Variants in JMJD1C observed in about 807,000 individuals in gnomAD.
The protein encoded by JMJD1C is jumonji domain containing 1C.
JMJD1C carries 31 observed loss-of-function variants against 245.3 expected under a neutral mutation model. That is an observed-to-expected ratio of 0.13 (90% CI 0.09 to 0.17). The LOEUF (loss-of-function observed/expected upper bound fraction) is 0.17, where lower values mean the gene tolerates loss of function less well. JMJD1C is among the 10% of genes least tolerant of loss of function. The probability of loss-of-function intolerance (pLI) is 1.00; values close to 1 mark genes in which losing one functional copy is unlikely to be tolerated. For synonymous variants in JMJD1C, 1,057 were observed against 1,017.4 expected (o/e 1.04, Z -0.74); for missense variants, 2,691 against 3,000.2 (o/e 0.90, Z 2.41).
At position 63,450,952 on chromosome 10, in the gene JMJD1C, G is replaced by A. The variant is rs184621370; in HGVS notation, c.168+14543C>T. On this transcript the variant is annotated intron_variant, in intron 1 of 25. Coordinates refer to ENST00000399262, the MANE Select transcript of JMJD1C (RefSeq NM_032776.3). Reference sequence around the variant, plus strand: ...AAAAAAAAAACTCTTAGAGCTAACAGATTCGGCAATGTTGCAGTATACAAA... The same window carrying A: ...AAAAAAAAAACTCTTAGAGCTAACAAATTCGGCAATGTTGCAGTATACAAA... 1.1e-3 allele frequency among the ~76,000 whole-genome samples: 159 copies of A among 146,724 alleles called. 3 individuals are homozygous for A. In the East Asian group the frequency reaches 0.026, roughly 24 times the overall value.
intron 2 of JMJD1C, among the ~76,000 whole-genome samples, chr10:63,338,186 G>A (rs571629564): frequency 1.3e-5 from 2 of 152,320 alleles, no homozygotes; most frequent in African/African-American, 2.4e-5. Context: ...TCAGGCTGGA[G>A]TGCACTGGTG....
At chr10:63,216,811 T>C (rs1010962602) in intron 5 of JMJD1C, among the ~76,000 whole-genome samples, 3 of 152,216 alleles carry the variant, frequency 2.0e-5, no homozygotes, top group African/African-American at 4.8e-5. Context: ...TGACATTTGA[T>C]GTGAGAAGAA....
At chr10:63,454,076 GTTTTAAT>G (rs1394868626) in intron 1 of JMJD1C, among the ~76,000 whole-genome samples, 1 of 152,006 alleles carries the variant, frequency 6.6e-6, no homozygotes, top group Non-Finnish European at 1.5e-5. Flanking sequence ...AAAATTACAT[GTTTTAAT>G]TTTTAACTTT....
At chr10:63,484,706 T>C (rs1564963748) in intron 1 of JMJD1C, among the ~76,000 whole-genome samples, 1 of 152,072 alleles carries the variant, frequency 6.6e-6, no homozygotes, top group South Asian at 2.1e-4. Context: ...ATTGGCACTA[T>C]CCATGCCAAT....
chr10:63,287,236 T>C (rs531916044), intron 2 of JMJD1C, among the ~76,000 whole-genome samples: 15 of 152,372 alleles, frequency 9.8e-5, no homozygotes, highest in Admixed American at 6.5e-4. Flanking sequence ...TCAACAAATA[T>C]TCATTGGAAC....
At chr10:63,235,769 T>C (rs902482501) in intron 3 of JMJD1C, among the ~76,000 whole-genome samples, 1 of 152,204 alleles carries the variant, frequency 6.6e-6, no homozygotes, top group Non-Finnish European at 1.5e-5. Flanking sequence ...GTCTGTCTAA[T>C]GTCAAAGCAC....
intron 2 of JMJD1C, among the ~76,000 whole-genome samples, chr10:63,265,122 C>CA (rs527753693): frequency 1.4e-5 from 2 of 148,122 alleles, no homozygotes; most frequent in East Asian, 3.9e-4. Context: ...TTACCCCCAC[C>CA]TTTTTTTTTT....
chr10:63,367,396 G>A (rs995712720), intron 2 of JMJD1C, among the ~76,000 whole-genome samples: 2 of 151,964 alleles, frequency 1.3e-5, no homozygotes, highest in Non-Finnish European at 2.9e-5. Context: ...ACAGGCATGC[G>A]CCACCATGCC....
intron 1 of JMJD1C, chr10:63,427,382 C>T (rs1950504395): frequency 1.9e-6 from 2 of 1,076,258 alleles, no homozygotes; most frequent in Admixed American, 3.7e-5. Flanking sequence ...TACCCAAATC[C>T]CTATAGCAAA....
At chr10:63,465,461 C>T (rs1270160426) in intron 1 of JMJD1C, 34 bp downstream of exon 1, 2 of 1,554,772 alleles carry the variant, frequency 1.3e-6, no homozygotes, top group South Asian at 1.2e-5. Flanking sequence ...GGTGCGGGCG[C>T]GGCAGGGGAA....
chr10:63,192,831 T>C, intron 16 of JMJD1C, 107 bp downstream of exon 16: 2 of 843,738 alleles, frequency 2.4e-6, no homozygotes, highest in Non-Finnish European at 3.8e-6. Flanking sequence ...AAGACCAAAG[T>C]AAATTGTTTA....
intron 22 of JMJD1C, among the ~76,000 whole-genome samples, chr10:63,182,938 C>A (rs1843667313): frequency 6.6e-6 from 1 of 151,994 alleles, no homozygotes; most frequent in Non-Finnish European, 1.5e-5. Context: ...CTTGGCTCAC[C>A]GCAACCTCCG....
At chr10:63,356,715 A>G (rs1944875449) in intron 2 of JMJD1C, among the ~76,000 whole-genome samples, 1 of 152,200 alleles carries the variant, frequency 6.6e-6, no homozygotes, top group African/African-American at 2.4e-5. Context: ...AGAAAGAAGG[A>G]AGCAAAGTGA....
At chr10:63,290,306 C>T (rs576128010) in intron 2 of JMJD1C, among the ~76,000 whole-genome samples, 3 of 152,280 alleles carry the variant, frequency 2.0e-5, no homozygotes, top group African/African-American at 4.8e-5. Context: ...CGGTGGCTCA[C>T]ACCTATAATT....
chr10:63,365,473 A>T (rs1945752750), intron 2 of JMJD1C, among the ~76,000 whole-genome samples: 1 of 152,194 alleles, frequency 6.6e-6, no homozygotes, highest in Non-Finnish European at 1.5e-5. Context: ...TATTCTCAGT[A>T]AGATTCAGTA....
chr10:63,216,051 G>A (rs778877544), intron 5 of JMJD1C, among the ~76,000 whole-genome samples: 5 of 152,114 alleles, frequency 3.3e-5, no homozygotes, highest in Admixed American at 6.5e-5. Flanking sequence ...AAACTCAGAG[G>A]TAGACTTTAG....
At chr10:63,181,177 T>C (rs368921594) in intron 22 of JMJD1C, among the ~76,000 whole-genome samples, 17 of 152,296 alleles carry the variant, frequency 1.1e-4, no homozygotes, top group African/African-American at 3.4e-4. Flanking sequence ...ATCTTTCTTA[T>C]AGAGAGTTTG....
chr10:63,425,859 CG>C (rs1950409274), intron 1 of JMJD1C, among the ~76,000 whole-genome samples: 1 of 152,112 alleles, frequency 6.6e-6, no homozygotes, highest in South Asian at 2.1e-4. Context: ...TTCCCCTCAA[CG>C]GAAATATATT....
chr10:63,519,713 G>C (rs1404907791), intron 1 of JMJD1C, among the ~76,000 whole-genome samples: 5 of 152,196 alleles, frequency 3.3e-5, no homozygotes, highest in African/African-American at 1.2e-4. Flanking sequence ...TACAGAATGG[G>C]GAGCAAAGTG....
Sources: gnomAD v4.1 joint callset for allele counts (sites outside exome capture counted in the v4.1 genomes callset) on GRCh38, gnomAD v4.1.1 for gene constraint, MANE v1.5 for transcripts, NCBI Gene and HGNC (gene_info 2026-07-23, HGNC 2026-07-21) for gene names.